Variants in TTYH2 observed in about 807,000 individuals in gnomAD.
TTYH2 encodes tweety family member 2.
Under a neutral mutation model 68.3 loss-of-function variants are expected in TTYH2, and 49 were observed. The observed-to-expected ratio is 0.72, with a 90% CI of 0.57 to 0.91. The LOEUF (loss-of-function observed/expected upper bound fraction) is 0.91. TTYH2 is among the 40% of genes least tolerant of loss of function. The pLI is 0.00. For synonymous variants in TTYH2, 272 were observed against 300.8 expected (o/e 0.90, Z 0.99); for missense variants, 631 against 700.4 (o/e 0.90, Z 1.12).
intron 13 of TTYH2, among the ~76,000 whole-genome samples, chr17:74,254,957 G>T (rs150157440): frequency 2.0e-3 from 307 of 152,316 alleles, no homozygotes; most frequent in African/African-American, 6.8e-3. Flanking sequence ...CCCAAGTAGG[G>T]CCAGTGCCTC....
intron 4 of TTYH2, 107 bp downstream of exon 4, chr17:74,237,621 AT>A (rs66675439): frequency 0.17 from 145,864 of 873,094 alleles, 10,166 homozygotes; most frequent in African/African-American, 0.2. Flanking sequence ...ACTGGAAAGT[AT>A]TTTTTTTTTG....
chr17:74,234,332 T>G (rs2050420965), intron 3 of TTYH2, among the ~76,000 whole-genome samples: 1 of 152,198 alleles, frequency 6.6e-6, no homozygotes, highest in Non-Finnish European at 1.5e-5. Context: ...AACTGACCTG[T>G]CCCTCCTGTT....
At chr17:74,243,262 T>C in intron 4 of TTYH2, 112 bp from the exon 5 acceptor site, 1 of 877,312 alleles carries the variant, frequency 1.1e-6, no homozygotes, top group Non-Finnish European at 1.9e-6. Context: ...GGGCAGCATG[T>C]CCATAGTAGA....
chr17:74,230,833 C>T, intron 2 of TTYH2, 55 bp from the exon 3 acceptor site: 7 of 1,572,298 alleles, frequency 4.5e-6, no homozygotes, highest in Admixed American at 1.7e-5. Context: ...TTAATATAAG[C>T]AAACATTCTC....
chr17:74,229,238 T>C (rs1377889158), intron 2 of TTYH2, among the ~76,000 whole-genome samples: 1 of 152,078 alleles, frequency 6.6e-6, no homozygotes, highest in African/African-American at 2.4e-5. Context: ...GAGTATGTGA[T>C]CTCAGTAGAC....
At chr17:74,216,363 G>A (rs2050221711) in intron 1 of TTYH2, among the ~76,000 whole-genome samples, 1 of 152,194 alleles carries the variant, frequency 6.6e-6, no homozygotes, top group African/African-American at 2.4e-5. Context: ...ACTAAGCAAG[G>A]ATGGAAACAG....
chr17:74,221,277 C>T (rs7210854), intron 1 of TTYH2, among the ~76,000 whole-genome samples: 4,480 of 152,314 alleles, frequency 0.029, 133 homozygotes, highest in African/African-American at 0.072. Flanking sequence ...GCAGCGTGGC[C>T]TCCAGCAGGT....
At position 74,215,801 on chromosome 17, in the gene TTYH2, G is replaced by C; in HGVS notation, c.129+2085G>C. ...CACTAACAGAGTCAGGTGGACCGTC[G>C]GTCATCCCAGTCTTCAGCAAGCTTG... On this transcript the variant is annotated intron_variant, in intron 1 of 13. Coordinates refer to ENST00000269346, the MANE Select transcript of TTYH2 (RefSeq NM_032646.6). This position sits in a 1 kb window ranked among gnomAD's most constrained non-coding sequence, Gnocchi z 4.3. 23 of 1,324,622 alleles carry C rather than the reference G, an allele frequency of 1.7e-5. No homozygotes were observed. Among genetic ancestry groups the C allele is most frequent in the Non-Finnish European group, 2.4e-5 (23 of 956,634 alleles). The allele number at this position is 1,324,622 out of a possible 1,614,324, so 82.1% of individuals were successfully genotyped here. A position where few individuals can be genotyped will look rare whatever the true frequency, so the allele number is the denominator to read the frequency against.
intron 1 of TTYH2, among the ~76,000 whole-genome samples, chr17:74,219,686 T>C (rs1322687606): frequency 6.6e-6 from 1 of 152,238 alleles, no homozygotes; most frequent in East Asian, 1.9e-4. Context: ...GTTCCATGTC[T>C]GGCTTTCTCT....
At chr17:74,235,541 G>GT (rs2050434543) in intron 3 of TTYH2, among the ~76,000 whole-genome samples, 1 of 152,236 alleles carries the variant, frequency 6.6e-6, no homozygotes, top group African/African-American at 2.4e-5. Context: ...ACCAGTACGA[G>GT]CCCTGCCTGT....
chr17:74,241,110 G>A lies in TTYH2; in HGVS notation c.636-2264G>A, dbSNP rs1157204035. On this transcript the variant is annotated intron_variant, in intron 4 of 13. Transcript: ENST00000269346. This position sits in a 1 kb window ranked among gnomAD's most constrained non-coding sequence, Gnocchi z 4.1. ...CTGGGCCAGGCTCTCCCCACCAGGGGCCTTGGCTTTCTAATCTGTACTAAT... is the reference window on the plus strand; with the variant it reads ...CTGGGCCAGGCTCTCCCCACCAGGGACCTTGGCTTTCTAATCTGTACTAAT... The A allele has an allele frequency of 6.6e-6, 1 of 152,142 alleles. No homozygotes were observed. Among genetic ancestry groups the A allele is most frequent in the Non-Finnish European group, 1.5e-5 (1 of 68,052 alleles). 9.4% of individuals were successfully genotyped at this position (152,142 alleles called of 1,614,324 possible). A position where few individuals can be genotyped will look rare whatever the true frequency, so the allele number is the denominator to read the frequency against.
At chr17:74,252,830 A>G (rs995223232) in intron 11 of TTYH2, among the ~76,000 whole-genome samples, 5 of 152,146 alleles carry the variant, frequency 3.3e-5, no homozygotes, top group African/African-American at 1.2e-4. Flanking sequence ...AGGCAAGAGG[A>G]CGCAGGGTAG....
intron 2 of TTYH2, among the ~76,000 whole-genome samples, chr17:74,224,744 A>C (rs142898243): frequency 0.02 from 3,107 of 152,270 alleles, 114 homozygotes; most frequent in African/African-American, 0.07. Context: ...TCACGCCTAT[A>C]ATCCCAGCAC....
rs1037289363 is a variant in TTYH2 at position 74,260,983 on chromosome 17, G to C, written c.*774G>C. 1 of 152,692 alleles carries C rather than the reference G, an allele frequency of 6.5e-6. No individual in the cohort carries two copies. The highest frequency in any genetic ancestry group is 6.5e-5 in the Admixed American group (1 of 15,282). 9.5% of individuals were successfully genotyped at this position (152,692 alleles called of 1,614,324 possible). ...TTAGCTGCAGATAGGCATGGTCTCA[G>C]GTATGAACAGACACTTTGAAACGAC... On this transcript the variant is annotated 3_prime_UTR_variant, in exon 14 of 14. Coordinates refer to ENST00000269346, the MANE Select transcript of TTYH2 (RefSeq NM_032646.6).
chr17:74,224,641 T>C, intron 2 of TTYH2, among the ~76,000 whole-genome samples: 1 of 152,198 alleles, frequency 6.6e-6, no homozygotes, highest in South Asian at 2.1e-4. Flanking sequence ...AGGCACCAAG[T>C]CTGCTTTCAT....
intron 11 of TTYH2, 22 bp downstream of exon 11, chr17:74,252,398 G>C (rs1424910276): frequency 1.2e-6 from 2 of 1,610,270 alleles, no homozygotes; most frequent in South Asian, 1.1e-5. Flanking sequence ...AGTAAGGAGG[G>C]GAGCCTCCCA....
intron 3 of TTYH2, 21 bp from the exon 4 acceptor site, chr17:74,237,273 T>C (rs1304703684): frequency 6.2e-7 from 1 of 1,612,218 alleles, no homozygotes; most frequent in Non-Finnish European, 8.5e-7. Flanking sequence ...TCCATGGCTT[T>C]TGCCCCCTGC....
intron 6 of TTYH2, chr17:74,248,751 T>C: frequency 7.2e-7 from 1 of 1,381,768 alleles, no homozygotes; most frequent in African/African-American, 1.5e-5. Flanking sequence ...AGCACTTTAC[T>C]TGCATTGGGT....
chr17:74,248,349 G>A (rs962159819), intron 6 of TTYH2: 31 of 985,830 alleles, frequency 3.1e-5, no homozygotes, highest in East Asian at 1.1e-4. Flanking sequence ...CCACCCTGCC[G>A]CATGGGCCTT....
Sources: allele counts gnomAD v4.1 joint callset (sites outside exome capture counted in the v4.1 genomes callset), GRCh38; gene constraint gnomAD v4.1.1; non-coding constraint Gnocchi (gnomAD v3.1); transcripts MANE v1.5; gene names NCBI Gene and HGNC (gene_info 2026-07-23, HGNC 2026-07-21).